PRKAR1B: variants seen among roughly 807,000 people sequenced by gnomAD.
The protein encoded by PRKAR1B is cAMP-dependent protein kinase type I-beta regulatory subunit.
Under a neutral mutation model 46.5 loss-of-function variants are expected in PRKAR1B, and 22 were observed. That is an observed-to-expected ratio of 0.47 (90% CI 0.34 to 0.68). The LOEUF (loss-of-function observed/expected upper bound fraction) is 0.68. PRKAR1B is among the 30% of genes least tolerant of loss of function. PRKAR1B has a pLI of 0.01. For missense variants in PRKAR1B, 445 were observed against 535.6 expected, an observed-to-expected ratio of 0.83 and a Z score of 1.67; for synonymous variants, 259 against 217.7, an observed-to-expected ratio of 1.19 and a Z score of -1.67.
intron 7 of PRKAR1B, among the ~76,000 whole-genome samples, chr7:595,717 T>G (rs955022477): frequency 6.6e-6 from 1 of 151,840 alleles, no homozygotes; most frequent in Non-Finnish European, 1.5e-5. Flanking sequence ...TGGCCACATA[T>G]AAGAAAAAAA....
chr7:551,255 C>T, intron 10 of PRKAR1B, 134 bp downstream of exon 10: 1 of 824,102 alleles, frequency 1.2e-6, no homozygotes. Context: ...GTTGCAGCCA[C>T]ACTGGGGCTC....
chr7:623,770 C>G (rs1783233718), intron 4 of PRKAR1B, among the ~76,000 whole-genome samples: 1 of 152,256 alleles, frequency 6.6e-6, no homozygotes, highest in African/African-American at 2.4e-5. Context: ...AGAATGAAGT[C>G]TTCCATGCCA....
chr7:572,364 C>T (rs992855555), intron 9 of PRKAR1B, among the ~76,000 whole-genome samples: 3 of 152,144 alleles, frequency 2.0e-5, no homozygotes, highest in African/African-American at 4.8e-5. Flanking sequence ...GGCGTGACCC[C>T]GTGGGGTTGG....
chr7:652,498 C>T (rs35082368), intron 4 of PRKAR1B, among the ~76,000 whole-genome samples: 1,608 of 151,452 alleles, frequency 0.011, 13 homozygotes, highest in Middle Eastern at 0.028. Flanking sequence ...CAGTTCACAC[C>T]CACACAGTGC....
intron 9 of PRKAR1B, among the ~76,000 whole-genome samples, chr7:577,669 T>C (rs976512823): frequency 6.6e-5 from 10 of 152,070 alleles, no homozygotes; most frequent in African/African-American, 2.2e-4. Context: ...TCCTGCAGCA[T>C]GAATCCGAAG....
intron 8 of PRKAR1B, among the ~76,000 whole-genome samples, chr7:580,922 C>T (rs899427873): frequency 3.9e-5 from 6 of 152,148 alleles, no homozygotes; most frequent in East Asian, 3.9e-4. Context: ...ATGCTTCCCA[C>T]GAACCCCAGG....
At chr7:630,896 CAG>C (rs1355632077) in intron 4 of PRKAR1B, among the ~76,000 whole-genome samples, 5 of 152,078 alleles carry the variant, frequency 3.3e-5, no homozygotes, top group Admixed American at 3.3e-4. Context: ...GATGGAAACT[CAG>C]AAGCTCCCTG....
At chr7:668,045 C>A (rs1786031543) in intron 4 of PRKAR1B, among the ~76,000 whole-genome samples, 1 of 152,220 alleles carries the variant, frequency 6.6e-6, no homozygotes, top group Non-Finnish European at 1.5e-5. Context: ...AGCAAAGTCA[C>A]ACAGCCTGTG....
Position 666,348 on chromosome 7 carries a change from C to T in PRKAR1B, c.440+10881G>A, listed in dbSNP as rs118125897. Among the ~76,000 whole-genome samples the T allele has an allele frequency of 1.1e-4, 17 of 150,774 alleles. No individual in the cohort carries two copies. The East Asian group carries it at 2.6e-3, about 23-fold the overall frequency. On this transcript the variant is annotated intron_variant, in intron 4 of 10. Coordinates refer to ENST00000537384, the MANE Select transcript of PRKAR1B (RefSeq NM_001164760.2). The surrounding 1 kb of genome is among the most constrained non-coding windows in gnomAD (Gnocchi z 4.9). ...ATGGTCCTGGCACATCAGAGAGCTC[C>T]GGAGCACGCGGGGCTGCTTCCTGAG...
chr7:620,506 CTCTCTT>C (rs1783056524), intron 4 of PRKAR1B, among the ~76,000 whole-genome samples: 1 of 151,930 alleles, frequency 6.6e-6, no homozygotes. Context: ...TCTTTTTTTT[CTCTCTT>C]TCTTTCTGTT....
intron 7 of PRKAR1B, among the ~76,000 whole-genome samples, chr7:585,591 G>C (rs1266390542): frequency 2.6e-5 from 4 of 152,084 alleles, no homozygotes; most frequent in Admixed American, 6.5e-5. Flanking sequence ...AAGTCCCCTG[G>C]GGTGTGGAGA....
In PRKAR1B at chr7:667,304, G is replaced by C. The variant is rs1165702211; in HGVS notation, c.440+9925C>G. 6.6e-6 allele frequency among the ~76,000 whole-genome samples: 1 copy of C among 152,180 alleles called. No individual in the cohort carries two copies. The highest frequency in any genetic ancestry group is 6.5e-5 in the Admixed American group (1 of 15,274). ...TTTATATTCTCACAACAACCTCAAA[G>C]TAGGTTTTATTATCTTCATTTGACA... is the stretch of plus-strand genomic sequence containing the variant. On this transcript the variant is annotated intron_variant, in intron 4 of 10. Transcript: ENST00000537384. The surrounding 1 kb of genome is among the most constrained non-coding windows in gnomAD (Gnocchi z 4.3).
chr7:677,198 T>C, intron 4 of PRKAR1B, 31 bp downstream of exon 4: 1 of 1,609,038 alleles, frequency 6.2e-7, no homozygotes, highest in Non-Finnish European at 8.5e-7. Context: ...AGGGCGGCGG[T>C]GATGCCGGGG....
At chr7:658,646 T>G (rs551475178) in intron 4 of PRKAR1B, among the ~76,000 whole-genome samples, 1 of 151,978 alleles carries the variant, frequency 6.6e-6, no homozygotes, top group South Asian at 2.1e-4. Flanking sequence ...CGATAAAATG[T>G]TTTTTGTTTT....
chr7:602,000 C>T (rs113945348), intron 6 of PRKAR1B, among the ~76,000 whole-genome samples: 5,088 of 152,176 alleles, frequency 0.033, 135 homozygotes, highest in Non-Finnish European at 0.053. Flanking sequence ...TCCAGTTACA[C>T]GAGGGTGACC....
At chr7:712,649 C>T (rs1173982154) in intron 1 of PRKAR1B, 1 of 112,598 alleles carries the variant, frequency 8.9e-6, no homozygotes, top group African/African-American at 3.2e-5. Flanking sequence ...CGGCTCTCCC[C>T]GCCCCCGCCC....
intron 4 of PRKAR1B, among the ~76,000 whole-genome samples, chr7:636,764 C>T (rs1784133607): frequency 6.6e-6 from 1 of 152,220 alleles, no homozygotes; most frequent in African/African-American, 2.4e-5. Context: ...GGGTCGGGTC[C>T]ATCTCTCTGT....
rs576293405 is a variant in PRKAR1B at position 549,325 on chromosome 7, G to A, written c.*1105C>T. Reference sequence around the variant, plus strand: ...GGCGACGTGGCCGGGGCTGGGTGGGGAGGGGGACCCCACGCATCGTAACCG... The same window carrying A: ...GGCGACGTGGCCGGGGCTGGGTGGGAAGGGGGACCCCACGCATCGTAACCG... On this transcript the variant is annotated 3_prime_UTR_variant, in exon 11 of 11. Transcript: ENST00000537384. 4.3e-4 allele frequency: 66 copies of A among 152,466 alleles called. 2 individuals are homozygous for A. Among genetic ancestry groups the A allele is most frequent in the African/African-American group, 1.4e-3 (58 of 41,574 alleles). 9.4% of individuals were successfully genotyped at this position (152,466 alleles called of 1,614,324 possible). A position where few individuals can be genotyped will look rare whatever the true frequency, so the allele number is the denominator to read the frequency against.
chr7:627,335 G>A (rs972770991), intron 4 of PRKAR1B, among the ~76,000 whole-genome samples: 1 of 152,106 alleles, frequency 6.6e-6, no homozygotes, highest in Non-Finnish European at 1.5e-5. Context: ...GTAGCGGTGG[G>A]GGCCGAGGGA....
Sources: allele counts gnomAD v4.1 joint callset (sites outside exome capture counted in the v4.1 genomes callset), GRCh38; gene constraint gnomAD v4.1.1; non-coding constraint Gnocchi (gnomAD v3.1); transcripts MANE v1.5; gene names NCBI Gene and HGNC (gene_info 2026-07-23, HGNC 2026-07-21).